Variants in MTDH observed in about 807,000 individuals in gnomAD.
The protein encoded by MTDH is protein LYRIC.
A neutral mutation model predicts 72.7 loss-of-function variants in MTDH; 34 were observed. The ratio of observed to expected loss-of-function variants is 0.47; its 90% CI spans 0.36 to 0.62. The LOEUF is 0.62. MTDH is among the 20% of genes least tolerant of loss of function. MTDH has a pLI of 0.00. For synonymous variants in MTDH, 266 were observed against 268.9 expected (o/e 0.99, Z 0.10); for missense variants, 677 against 699.4 (o/e 0.97, Z 0.36).
At chr8:97,683,457 A>C (rs1031343764) in intron 2 of MTDH, among the ~76,000 whole-genome samples, 1 of 151,712 alleles carries the variant, frequency 6.6e-6, no homozygotes, top group African/African-American at 2.4e-5. Context: ...ATACAGTGAC[A>C]TGATCACAGC....
At chr8:97,689,705 C>CTTTTTTTT (rs34132114) in intron 5 of MTDH, among the ~76,000 whole-genome samples, 1 of 123,474 alleles carries the variant, frequency 8.1e-6, no homozygotes, top group Non-Finnish European at 1.7e-5. Flanking sequence ...TCTTTCAGGC[C>CTTTTTTTT]TTTTTTTTTT....
chr8:97,670,355 G>A lies in MTDH; in HGVS notation c.483+9182G>A, dbSNP rs1249839967. On this transcript the variant is annotated intron_variant, in intron 2 of 11. Coordinates refer to ENST00000336273, the MANE Select transcript of MTDH (RefSeq NM_178812.4). The stretch of plus-strand genomic sequence containing the variant: ...AAACAAAAGACCAGCTTGGTGGCTC[G>A]TGCCTGTAATTCCAGCACTTTGGGA... Among the ~76,000 whole-genome samples, 4 of 151,794 alleles carry A rather than the reference G, an allele frequency of 2.6e-5. No homozygotes were observed. The East Asian group carries it at 7.8e-4, about 29-fold the overall frequency.
chr8:97,671,734 T>G (rs1812634232), intron 2 of MTDH, among the ~76,000 whole-genome samples: 2 of 152,036 alleles, frequency 1.3e-5, no homozygotes. Flanking sequence ...TCCCAGCTAC[T>G]TGGGAGGCTG....
At chr8:97,651,484 T>C (rs555018255) in intron 1 of MTDH, among the ~76,000 whole-genome samples, 1 of 152,306 alleles carries the variant, frequency 6.6e-6, no homozygotes, top group South Asian at 2.1e-4. Flanking sequence ...GAAAGGATAC[T>C]TATTTACAGT....
intron 1 of MTDH, among the ~76,000 whole-genome samples, chr8:97,652,313 C>G (rs1811804535): frequency 6.6e-6 from 1 of 152,186 alleles, no homozygotes; most frequent in Non-Finnish European, 1.5e-5. Flanking sequence ...TTTCACAACC[C>G]AGCGCCTTTA....
chr8:97,678,818 A>G (rs750946454), intron 2 of MTDH, among the ~76,000 whole-genome samples: 1 of 151,996 alleles, frequency 6.6e-6, no homozygotes. Flanking sequence ...TGCTTACCAG[A>G]TACTTTTACA....
intron 7 of MTDH, among the ~76,000 whole-genome samples, chr8:97,705,255 C>G (rs1030687914): frequency 6.6e-6 from 1 of 150,882 alleles, no homozygotes; most frequent in Non-Finnish European, 1.5e-5. Flanking sequence ...CGAGATCGTG[C>G]CACTGCACTC....
intron 6 of MTDH, among the ~76,000 whole-genome samples, chr8:97,694,405 C>T (rs1334634823): frequency 6.6e-6 from 1 of 152,166 alleles, no homozygotes; most frequent in Non-Finnish European, 1.5e-5. Flanking sequence ...CCATGTTGGT[C>T]AGGCTGGTCT....
chr8:97,711,337 TAAAAAA>T (rs540690196), intron 8 of MTDH, among the ~76,000 whole-genome samples: 1 of 130,044 alleles, frequency 7.7e-6, no homozygotes, highest in African/African-American at 2.9e-5. Context: ...TATCTCTAAT[TAAAAAA>T]AAAAAAAAAA....
chr8:97,672,358 A>G (rs952048735), intron 2 of MTDH, among the ~76,000 whole-genome samples: 2 of 152,112 alleles, frequency 1.3e-5, no homozygotes, highest in African/African-American at 4.8e-5. Flanking sequence ...TAAATGTTTT[A>G]TCTGAGTGCT....
intron 3 of MTDH, 24 bp from the exon 4 acceptor site, chr8:97,687,405 A>AT (rs759519703): frequency 1.3e-4 from 202 of 1,565,438 alleles, no homozygotes; most frequent in Non-Finnish European, 1.7e-4. Context: ...ACTGAATAAC[A>AT]TTTTTTTTCT....
intron 2 of MTDH, among the ~76,000 whole-genome samples, chr8:97,665,542 G>A (rs1440183021): frequency 1.3e-5 from 2 of 152,176 alleles, no homozygotes; most frequent in Non-Finnish European, 2.9e-5. Context: ...ATATTCAGAG[G>A]AGAAAGGTTA....
intron 2 of MTDH, among the ~76,000 whole-genome samples, chr8:97,683,401 T>C (rs1813220996): frequency 6.6e-6 from 1 of 151,870 alleles, no homozygotes; most frequent in Non-Finnish European, 1.5e-5. Flanking sequence ...TGTTTGTTTT[T>C]TGGAGTTTTT....
chr8:97,686,170 T>A (rs991019609), intron 2 of MTDH, among the ~76,000 whole-genome samples: 3 of 152,210 alleles, frequency 2.0e-5, no homozygotes, highest in Non-Finnish European at 2.9e-5. Context: ...AAACTGATAA[T>A]CACCACATAA....
chr8:97,644,980 A>G (rs1586192049), intron 1 of MTDH, 93 bp downstream of exon 1: 3 of 1,394,884 alleles, frequency 2.2e-6, no homozygotes, highest in South Asian at 3.1e-5. Context: ...CCGGGAAGGA[A>G]AAGAGTGCTT....
At chr8:97,669,848 G>A (rs991555244) in intron 2 of MTDH, among the ~76,000 whole-genome samples, 5 of 150,652 alleles carry the variant, frequency 3.3e-5, no homozygotes, top group South Asian at 2.1e-4. Context: ...CCTGGGAGAC[G>A]GAGGTTGCAG....
chr8:97,720,961 G>T (rs1815097297), intron 10 of MTDH, among the ~76,000 whole-genome samples: 1 of 151,732 alleles, frequency 6.6e-6, no homozygotes, highest in African/African-American at 2.4e-5. Context: ...GCCTCTGTTT[G>T]ATATTTTTAT....
chr8:97,685,193 T>A (rs183340090), intron 2 of MTDH, among the ~76,000 whole-genome samples: 463 of 152,332 alleles, frequency 3.0e-3, no homozygotes, highest in African/African-American at 8.8e-3. Flanking sequence ...CTTTTTTTTT[T>A]AAGTGGATAT....
At chr8:97,664,203 A>G (rs1029868601) in intron 2 of MTDH, among the ~76,000 whole-genome samples, 1 of 151,820 alleles carries the variant, frequency 6.6e-6, no homozygotes, top group East Asian at 1.9e-4. Context: ...TAAAAATACA[A>G]AAATTAGCTG....
Sources: allele counts gnomAD v4.1 joint callset (sites outside exome capture counted in the v4.1 genomes callset), GRCh38; gene constraint gnomAD v4.1.1; transcripts MANE v1.5; gene names NCBI Gene and HGNC (gene_info 2026-07-23, HGNC 2026-07-21).